Variants in VWA3B observed in about 807,000 individuals in gnomAD.
VWA3B encodes the protein von Willebrand factor A domain-containing protein 3B.
Under a neutral mutation model 158.3 loss-of-function variants are expected in VWA3B, and 138 were observed. That is an observed-to-expected ratio of 0.87 (90% CI 0.76 to 1.00). The LOEUF (loss-of-function observed/expected upper bound fraction) is 1.00, where lower values mean the gene tolerates loss of function less well. Among genes scored for constraint, VWA3B ranks in the 50% least tolerant of loss-of-function variants. VWA3B has a pLI of 0.00. For synonymous variants in VWA3B, 596 were observed against 587.3 expected (o/e 1.01, Z -0.21); for missense variants, 1,555 against 1,565.1 (o/e 0.99, Z 0.11).
chr2:98,207,927 A>C (rs1380432462), intron 12 of VWA3B, among the ~76,000 whole-genome samples: 1 of 152,166 alleles, frequency 6.6e-6, no homozygotes, highest in African/African-American at 2.4e-5. Context: ...GAAGACCCCA[A>C]CCATAAGACT....
rs577575808 is a variant in VWA3B at position 98,226,717 on chromosome 2, C to T, written c.2020-1485C>T. On this transcript the variant is annotated intron_variant, in intron 14 of 27. Transcript: ENST00000477737. ...TAGAATATATGAAGAACTCTTAAAA[C>T]TTAACAGTAGAAAACAAACCATCTA... 2.8e-4 allele frequency among the ~76,000 whole-genome samples: 42 copies of T among 150,846 alleles called. 1 individual carries two copies. In the South Asian group the frequency reaches 8.5e-3, roughly 31 times the overall value.
chr2:98,199,080 C>T (rs551512102), intron 12 of VWA3B, among the ~76,000 whole-genome samples: 20 of 97,796 alleles, frequency 2.0e-4, no homozygotes, highest in African/African-American at 8.6e-4. Context: ...GCGCGAGACT[C>T]CGTCTCAAAA....
chr2:98,114,669 C>A (rs544643219), intron 2 of VWA3B, among the ~76,000 whole-genome samples: 1 of 152,172 alleles, frequency 6.6e-6, no homozygotes, highest in African/African-American at 2.4e-5. Flanking sequence ...ATAAAATAAT[C>A]ATCCGATAAA....
Position 98,115,662 on chromosome 2 carries a change from G to A in VWA3B, c.207G>A (p.Ala69=), listed in dbSNP as rs146730095. 169 of 1,613,636 alleles carry A rather than the reference G, an allele frequency of 1.0e-4. No homozygotes were observed. In the East Asian group the frequency reaches 1.4e-3, roughly 13 times the overall value. Residue 69 remains alanine (A), a synonymous_variant, in exon 3 of 28, where the codon GCG becomes GCA. Transcript: ENST00000477737. ...TTTATAAAAATGCAGATTATGTGGC[G>A]TCTCTGGGGAGACCTGTGGCTTCTC... ...IGFPHCEDYV[A]SLGRPVASRY...
At position 98,230,142 on chromosome 2, in the gene VWA3B, A is replaced by T; in HGVS notation, c.2243A>T (p.Asn748Ile). Residue 748 changes from asparagine to isoleucine, a missense_variant, in exon 16 of 28, where the codon AAT (asparagine) becomes ATT (isoleucine). Asn to Ile is a moderately radical substitution (Grantham distance 149). Transcript: ENST00000477737. ...DVDSTQTSSLNMLKGPWGLSD... is the reference protein window; with the variant it reads ...DVDSTQTSSLIMLKGPWGLSD... Reference sequence around the variant, plus strand: ...GATTCAACACAAACTTCATCTCTGAATATGTTGAAGGGACCATGGGGCCTT... The same window carrying T: ...GATTCAACACAAACTTCATCTCTGATTATGTTGAAGGGACCATGGGGCCTT... The T allele has an allele frequency of 1.2e-6, 2 of 1,611,992 alleles. No homozygotes were observed. Among genetic ancestry groups the T allele is most frequent in the Non-Finnish European group, 1.7e-6 (2 of 1,179,552 alleles).
In VWA3B at chr2:98,312,242, A is replaced by T; in HGVS notation, c.3778A>T (p.Ser1260Cys). The T allele has an allele frequency of 6.2e-7, 1 of 1,614,154 alleles. No homozygotes were observed. The highest frequency in any genetic ancestry group is 8.5e-7 in the Non-Finnish European group (1 of 1,180,030). ...HFPAAGRLGL[S>C]SHAIIATPPP... Reference sequence around the variant, plus strand: ...CCCCGCGGCCGGGCGTCTAGGACTCAGCAGCCACGCCATCATTGCCACACC... The same window carrying T: ...CCCCGCGGCCGGGCGTCTAGGACTCTGCAGCCACGCCATCATTGCCACACC... Residue 1260 changes from serine (S) to cysteine (C), a missense_variant, in exon 28 of 28, where the codon AGC becomes TGC. Ser to Cys is a moderately radical substitution (Grantham distance 112, BLOSUM62 -1). Transcript: ENST00000477737.
chr2:98,261,724 A>G (rs1687492264), intron 21 of VWA3B, among the ~76,000 whole-genome samples: 3 of 151,704 alleles, frequency 2.0e-5, no homozygotes, highest in African/African-American at 7.3e-5. Flanking sequence ...ATATATCAAC[A>G]TGTTGCCTTC....
chr2:98,260,797 T>A (rs1468873753), intron 21 of VWA3B, among the ~76,000 whole-genome samples: 1 of 151,846 alleles, frequency 6.6e-6, no homozygotes, highest in Non-Finnish European at 1.5e-5. Flanking sequence ...ACCTTTTGTC[T>A]CTTGTAACAA....
chr2:98,317,940 A>G (rs1691123469), downstream of VWA3B, among the ~76,000 whole-genome samples: 1 of 152,252 alleles, frequency 6.6e-6, no homozygotes, highest in African/African-American at 2.4e-5. Context: ...ATTCTGAAAA[A>G]TAAAGCTATG....
At chr2:98,199,889 G>A (rs1682381878) in intron 12 of VWA3B, among the ~76,000 whole-genome samples, 1 of 152,168 alleles carries the variant, frequency 6.6e-6, no homozygotes. Context: ...TTGCTGGCCA[G>A]TATGCTAAGT....
intron 9 of VWA3B, among the ~76,000 whole-genome samples, chr2:98,186,404 C>T (rs1681060422): frequency 6.6e-6 from 1 of 152,044 alleles, no homozygotes; most frequent in African/African-American, 2.4e-5. Context: ...CCCTCCAGCC[C>T]CGCGGCCTAC....
chr2:98,255,396 G>T (rs1687069469), intron 20 of VWA3B, among the ~76,000 whole-genome samples: 1 of 139,968 alleles, frequency 7.1e-6, no homozygotes, highest in Non-Finnish European at 1.7e-5. Flanking sequence ...CTGCCCTGCA[G>T]CTCAGAAAGC....
At chr2:98,183,870 T>G (rs981462471) in intron 9 of VWA3B, among the ~76,000 whole-genome samples, 2 of 152,246 alleles carry the variant, frequency 1.3e-5, no homozygotes, top group Admixed American at 1.3e-4. Flanking sequence ...CAAATGCATG[T>G]CTGAGCACAG....
In VWA3B at chr2:98,183,573, A is replaced by G. The variant is rs531726168; in HGVS notation, c.1311+2361A>G. Among the ~76,000 whole-genome samples the G allele has an allele frequency of 2.7e-3, 409 of 152,330 alleles. 5 individuals are homozygous for G. Among genetic ancestry groups the G allele is most frequent in the Admixed American group, 4.4e-3 (68 of 15,304 alleles). On this transcript the variant is annotated intron_variant, in intron 9 of 27. Transcript: ENST00000477737. ...AACTTGATATTTCAGGCATCCCTGA[A>G]ATCACACTGCATGCACGGTTGCTTG...
Position 98,236,560 on chromosome 2 carries a change from C to T in VWA3B, c.2517-14C>T, listed in dbSNP as rs149605553. On this transcript the variant is annotated splice_polypyrimidine_tract_variant and intron_variant, in intron 18 of 27. Transcript: ENST00000477737. ...AGTTGTAAATTTTAAAACACCACCT[C>T]CTTGTGTTCTTAGTTCTTCAGATGT... The T allele has an allele frequency of 8.2e-5, 133 of 1,614,086 alleles. No individual in the cohort carries two copies. The highest frequency in any genetic ancestry group is 6.6e-4 in the Middle Eastern group (4 of 6,062).
In VWA3B at chr2:98,128,320, C is replaced by A. The variant is rs1033464673; in HGVS notation, c.784C>A (p.Pro262Thr). Residue 262 changes from proline to threonine, a missense_variant, in exon 6 of 28, where the codon CCG (proline) becomes ACG (threonine). Coordinates refer to ENST00000477737, the MANE Select transcript of VWA3B (RefSeq NM_144992.5). ...TCTCCTCCAGAGGGCCTTGGAGATC[C>A]CGTGTCCAGTCTACACAGTGTCCTT... is the stretch of plus-strand genomic sequence containing the variant. ...ELLLQRALEI[P>T]CPVYTVSFNA... 6.2e-7 allele frequency: 1 copy of A among 1,614,076 alleles called. No homozygotes were observed. The highest frequency in any genetic ancestry group is 1.3e-5 in the African/African-American group (1 of 74,982).
chr2:98,145,873 C>T (rs1041429928), intron 7 of VWA3B, among the ~76,000 whole-genome samples: 1 of 152,064 alleles, frequency 6.6e-6, no homozygotes, highest in Admixed American at 6.6e-5. Flanking sequence ...GCACGTGCCA[C>T]TATGCCCAGA....
chr2:98,170,397 A>C (rs1016763743), intron 8 of VWA3B, among the ~76,000 whole-genome samples: 1 of 152,222 alleles, frequency 6.6e-6, no homozygotes, highest in African/African-American at 2.4e-5. Context: ...TACCAAATTC[A>C]GTTTCAAAAG....
chr2:98,102,547 C>T (rs1242687783), intron 2 of VWA3B, among the ~76,000 whole-genome samples: 1 of 152,152 alleles, frequency 6.6e-6, no homozygotes, highest in South Asian at 2.1e-4. Context: ...AGGCGCTCCT[C>T]ACTTCCCAGA....
Sources: allele counts gnomAD v4.1 joint callset (sites outside exome capture counted in the v4.1 genomes callset), GRCh38; gene constraint gnomAD v4.1.1; transcripts MANE v1.5; gene names NCBI Gene and HGNC (gene_info 2026-07-23, HGNC 2026-07-21).